Variants in DNM3 observed in about 807,000 individuals in gnomAD.
DNM3 encodes dynamin-3.
A neutral mutation model predicts 101.6 loss-of-function variants in DNM3; 47 were observed. The observed-to-expected ratio is 0.46, with a 90% confidence interval of 0.37 to 0.59. DNM3 has a LOEUF of 0.59. Ranked by LOEUF, DNM3 falls within the 20% of genes least tolerant of loss-of-function variation. The pLI is 0.00. For synonymous variants in DNM3, 385 were observed against 387.9 expected (o/e 0.99, Z 0.09); for missense variants, 849 against 1,085.7 (o/e 0.78, Z 3.06).
At chr1:171,905,827 G>A (rs1443361645) in intron 1 of DNM3, among the ~76,000 whole-genome samples, 1 of 152,084 alleles carries the variant, frequency 6.6e-6, no homozygotes. Context: ...AGTAGATTGT[G>A]AGGGTGAAAA....
intron 14 of DNM3, among the ~76,000 whole-genome samples, chr1:172,145,386 C>G (rs2057833408): frequency 1.3e-5 from 2 of 150,798 alleles, no homozygotes; most frequent in South Asian, 4.2e-4. Flanking sequence ...CCCTCCCTCC[C>G]TCCTTCCCTC....
chr1:171,915,749 G>C (rs940875776), intron 1 of DNM3, among the ~76,000 whole-genome samples: 6 of 152,054 alleles, frequency 3.9e-5, no homozygotes, highest in African/African-American at 1.5e-4. Context: ...GAGATGTTTG[G>C]TTCCAGACAC....
At chr1:172,081,954 A>G (rs902074642) in intron 12 of DNM3, 52 bp downstream of exon 12, 1 of 1,557,624 alleles carries the variant, frequency 6.4e-7, no homozygotes, top group Non-Finnish European at 8.8e-7. Flanking sequence ...ATTTGTCTCA[A>G]ACACACATTG....
chr1:172,024,122 GTTTA>G (rs1410573269), intron 4 of DNM3, among the ~76,000 whole-genome samples: 1 of 151,628 alleles, frequency 6.6e-6, no homozygotes, highest in African/African-American at 2.4e-5. Flanking sequence ...ATATTACAAT[GTTTA>G]TTTGTTTTGG....
Position 172,323,347 on chromosome 1 carries a change from T to G in DNM3, c.1893+7T>G, listed in dbSNP as rs138254406. 6.4e-4 allele frequency: 1,021 copies of G among 1,606,652 alleles called. 10 individuals are homozygous for G. The African/African-American group carries it at 0.012, about 18-fold the overall frequency. On this transcript the variant is annotated splice_region_variant and intron_variant, in intron 17 of 20. Transcript: ENST00000627582. Reference sequence around the variant, plus strand: ...TGCATAGGGGAACAACAAAGTAAGTTATTTGTCCTCTTGCAGCTCTTCTGT... The same window carrying G: ...TGCATAGGGGAACAACAAAGTAAGTGATTTGTCCTCTTGCAGCTCTTCTGT...
intron 1 of DNM3, among the ~76,000 whole-genome samples, chr1:171,844,580 G>A (rs566576884): frequency 1.2e-4 from 18 of 152,268 alleles, no homozygotes; most frequent in African/African-American, 4.3e-4. Flanking sequence ...ATTTTTGGGT[G>A]ACAGGTTTGA....
At chr1:172,034,302 A>G (rs2048812389) in intron 6 of DNM3, among the ~76,000 whole-genome samples, 1 of 152,164 alleles carries the variant, frequency 6.6e-6, no homozygotes, top group Admixed American at 6.5e-5. Flanking sequence ...AAATATGAAT[A>G]TATTTTTGAG....
intron 14 of DNM3, among the ~76,000 whole-genome samples, chr1:172,191,259 T>C (rs143845514): frequency 0.016 from 2,429 of 152,330 alleles, 64 homozygotes; most frequent in African/African-American, 0.055. Flanking sequence ...CACAGCACCA[T>C]TTATTAAATA....
chr1:172,230,875 C>T (rs1217144846), intron 14 of DNM3, among the ~76,000 whole-genome samples: 1 of 152,026 alleles, frequency 6.6e-6, no homozygotes, highest in Non-Finnish European at 1.5e-5. Context: ...TTACATTTTC[C>T]TGGTTTTTCC....
At chr1:172,282,675 A>G (rs1369469737) in intron 15 of DNM3, among the ~76,000 whole-genome samples, 43 of 152,338 alleles carry the variant, frequency 2.8e-4, no homozygotes, top group Non-Finnish European at 1.3e-4. Context: ...CCACATATTT[A>G]AAAGTCAGTC....
At chr1:172,395,738 T>G (rs1489758442) in intron 20 of DNM3, among the ~76,000 whole-genome samples, 2 of 152,210 alleles carry the variant, frequency 1.3e-5, no homozygotes, top group Non-Finnish European at 2.9e-5. Context: ...GTATTGTAAG[T>G]GTTGTCGGGG....
intron 2 of DNM3, among the ~76,000 whole-genome samples, chr1:171,927,089 A>G (rs1022097605): frequency 6.6e-5 from 10 of 152,226 alleles, no homozygotes; most frequent in Non-Finnish European, 1.3e-4. Flanking sequence ...TCTACCCTGG[A>G]AAGGAAGATG....
intron 11 of DNM3, among the ~76,000 whole-genome samples, chr1:172,080,030 C>T (rs541426699): frequency 1.3e-5 from 2 of 152,236 alleles, no homozygotes; most frequent in Admixed American, 6.5e-5. Context: ...AGATGCCAGC[C>T]GGGGGTCTCC....
At chr1:172,350,488 A>C (rs879008759) in intron 17 of DNM3, among the ~76,000 whole-genome samples, 2 of 152,134 alleles carry the variant, frequency 1.3e-5, no homozygotes, top group Admixed American at 1.3e-4. Context: ...AAGATTACTT[A>C]ACTGTCGTGG....
At chr1:171,900,203 A>G (rs2038181626) in intron 1 of DNM3, among the ~76,000 whole-genome samples, 1 of 152,196 alleles carries the variant, frequency 6.6e-6, no homozygotes, top group Non-Finnish European at 1.5e-5. Context: ...GGACAGATTC[A>G]AAGAGGACAA....
intron 16 of DNM3, among the ~76,000 whole-genome samples, chr1:172,317,311 A>C (rs939534145): frequency 1.4e-4 from 21 of 151,776 alleles, no homozygotes; most frequent in Admixed American, 2.6e-4. Flanking sequence ...TGACACCCTA[A>C]CATCACAATT....
At chr1:172,382,533 G>A (rs977700620) in intron 18 of DNM3, among the ~76,000 whole-genome samples, 1 of 152,148 alleles carries the variant, frequency 6.6e-6, no homozygotes, top group Non-Finnish European at 1.5e-5. Flanking sequence ...ACAGCTGGGG[G>A]TGGCAGAGTT....
intron 14 of DNM3, among the ~76,000 whole-genome samples, chr1:172,227,970 A>G (rs1285925359): frequency 2.0e-5 from 3 of 152,066 alleles, no homozygotes; most frequent in Non-Finnish European, 4.4e-5. Context: ...TTTGTCTTTC[A>G]TTATCTGAGA....
chr1:172,310,741 C>G (rs1403844664), intron 16 of DNM3: 3 of 152,250 alleles, frequency 2.0e-5, no homozygotes, highest in Non-Finnish European at 4.4e-5. Flanking sequence ...AGTTGGTTAA[C>G]AAGGAAAGAG....
Sources: gnomAD v4.1 joint callset for allele counts (sites outside exome capture counted in the v4.1 genomes callset) on GRCh38, gnomAD v4.1.1 for gene constraint, MANE v1.5 for transcripts, NCBI Gene and HGNC (gene_info 2026-07-23, HGNC 2026-07-21) for gene names.